The following KLHL8 variants were observed in gnomAD, a reference collection of about 807,000 sequenced individuals.
The protein encoded by KLHL8 is kelch like family member 8, also known as kelch-like protein 8.
In KLHL8, 38 loss-of-function variants were observed where a neutral mutation model predicts 63.5. The ratio of observed to expected loss-of-function variants is 0.60; its 90% CI spans 0.46 to 0.78. The LOEUF is 0.78. Among genes scored for constraint, KLHL8 ranks in the 30% least tolerant of loss-of-function variants. The pLI, the probability that KLHL8 is intolerant of heterozygous loss-of-function variation, is 0.00. For synonymous variants in KLHL8, 224 were observed against 254.3 expected (o/e 0.88, Z 1.13); for missense variants, 566 against 752.4 (o/e 0.75, Z 2.90).
At chr4:87,231,661 A>G (rs1048800201) in intron 1 of KLHL8, among the ~76,000 whole-genome samples, 4 of 152,076 alleles carry the variant, frequency 2.6e-5, no homozygotes, top group Non-Finnish European at 5.9e-5. Context: ...CAGTGACGCA[A>G]TCTCAGCTCA....
rs756180257 is a variant in KLHL8 at position 87,185,377 on chromosome 4, G to C, written c.639C>G (p.Leu213=). The C allele has an allele frequency of 9.9e-6, 16 of 1,614,052 alleles. No individual in the cohort carries two copies. The East Asian group carries it at 2.0e-4, about 20-fold the overall frequency. ...EDFVSVSPQH[L]HKLLSSSDLN... ...GATCACTGGAGGACAAAAGCTTATG[G>C]AGGTGCTGCGGTGATACACTTACAA... is the stretch of plus-strand genomic sequence containing the variant. Residue 213 remains leucine (L), a synonymous_variant, in exon 3 of 10, where the codon CTC becomes CTG. Transcript: ENST00000273963.
chr4:87,236,040 C>CA (rs896492100), intron 1 of KLHL8, among the ~76,000 whole-genome samples: 6 of 151,976 alleles, frequency 3.9e-5, no homozygotes, highest in Admixed American at 1.3e-4. Context: ...AAATAGAAAC[C>CA]AAAAAAAGCG....
intron 1 of KLHL8, among the ~76,000 whole-genome samples, chr4:87,204,140 G>T (rs572043179): frequency 6.6e-6 from 1 of 152,210 alleles, no homozygotes; most frequent in East Asian, 1.9e-4. Flanking sequence ...AAGCCCAAGA[G>T]TTCGAAGCTG....
intron 2 of KLHL8, among the ~76,000 whole-genome samples, chr4:87,193,935 T>C (rs778744155): frequency 1.3e-5 from 2 of 152,236 alleles, no homozygotes; most frequent in Non-Finnish European, 2.9e-5. Context: ...GCGGAATGGA[T>C]GAAGTAAAGG....
In KLHL8 at chr4:87,180,586, G is replaced by A. The variant is rs558806895; in HGVS notation, c.953-1966C>T. On this transcript the variant is annotated intron_variant, in intron 4 of 9. Transcript: ENST00000273963. Reference sequence around the variant, plus strand: ...AGACAAGTTATTCCAAAATAAGTCCGGCTGTATTCTGTATGTGCCTGCATT... The same window carrying A: ...AGACAAGTTATTCCAAAATAAGTCCAGCTGTATTCTGTATGTGCCTGCATT... 2.6e-3 allele frequency among the ~76,000 whole-genome samples: 396 copies of A among 152,236 alleles called. 2 individuals are homozygous for A. The highest frequency in any genetic ancestry group is 4.4e-3 in the Non-Finnish European group (302 of 68,004).
At chr4:87,234,941 G>C (rs996349160) in intron 1 of KLHL8, among the ~76,000 whole-genome samples, 2 of 151,994 alleles carry the variant, frequency 1.3e-5, no homozygotes, top group Non-Finnish European at 2.9e-5. Flanking sequence ...GAAAAGAAAA[G>C]AATAAAAAAG....
intron 1 of KLHL8, chr4:87,219,915 T>A (rs1434695963): frequency 1.1e-4 from 16 of 151,768 alleles, no homozygotes; most frequent in Admixed American, 6.6e-4. Context: ...GGCCCGGAGG[T>A]GGCCCACTCG....
chr4:87,191,494 C>T (rs142196320), intron 2 of KLHL8, among the ~76,000 whole-genome samples: 1 of 152,104 alleles, frequency 6.6e-6, no homozygotes, highest in Non-Finnish European at 1.5e-5. Flanking sequence ...ATCCTTTCCC[C>T]TTATAAAGTA....
intron 1 of KLHL8, among the ~76,000 whole-genome samples, chr4:87,208,774 C>T (rs1732268080): frequency 6.6e-6 from 1 of 152,144 alleles, no homozygotes; most frequent in African/African-American, 2.4e-5. Flanking sequence ...ATACTTTTCC[C>T]CCTTACATCA....
At chr4:87,219,182 G>C (rs187039240) in intron 1 of KLHL8, among the ~76,000 whole-genome samples, 1 of 152,342 alleles carries the variant, frequency 6.6e-6, no homozygotes, top group Non-Finnish European at 1.5e-5. Flanking sequence ...GGTGCCAGGA[G>C]GAAGTCTGAG....
chr4:87,221,823 T>C (rs939345948), upstream of KLHL8, among the ~76,000 whole-genome samples: 1 of 152,198 alleles, frequency 6.6e-6, no homozygotes, highest in Non-Finnish European at 1.5e-5. Flanking sequence ...TATTCCTCTT[T>C]AGAGCATTAG....
rs1270623073 is a variant in KLHL8 at position 87,183,259 on chromosome 4, C to A, written c.896G>T (p.Arg299Ile). Residue 299 changes from arginine to isoleucine, a missense_variant, in exon 4 of 10, where the codon AGA (arginine) becomes ATA (isoleucine). Arg to Ile is a moderately conservative substitution (Grantham distance 97). Coordinates refer to ENST00000273963, the MANE Select transcript of KLHL8 (RefSeq NM_020803.5). ...ARNYHLHLSS[R>I]AVPDFEYSIR... Reference sequence around the variant, plus strand: ...GGAGTATTCAAAGTCAGGTACTGCTCTGCTACTCAAGTGAAGGTGGTAATT... The same window carrying A: ...GGAGTATTCAAAGTCAGGTACTGCTATGCTACTCAAGTGAAGGTGGTAATT... 2 of 1,613,818 alleles carry A rather than the reference C, an allele frequency of 1.2e-6. No individual in the cohort carries two copies. Among genetic ancestry groups the A allele is most frequent in the Admixed American group, 3.3e-5 (2 of 60,012 alleles).
rs187066271 is a variant in KLHL8, at chr4:87,173,210, G to A, written c.1209-2595C>T. Among the ~76,000 whole-genome samples the A allele has an allele frequency of 4.4e-3, 674 of 152,136 alleles. 8 individuals are homozygous for A. Among genetic ancestry groups the A allele is most frequent in the Middle Eastern group, 0.014 (4 of 292 alleles). Reference sequence around the variant, plus strand: ...AGTTCCTTCAGATCATAATAAATGGGACTTCATTAAGATGTTCTCCACTCC... The same window carrying A: ...AGTTCCTTCAGATCATAATAAATGGAACTTCATTAAGATGTTCTCCACTCC... On this transcript the variant is annotated intron_variant, in intron 6 of 9. Coordinates refer to ENST00000273963, the MANE Select transcript of KLHL8 (RefSeq NM_020803.5).
rs57080086 is a variant in KLHL8 at position 87,170,437 on chromosome 4, T to C, written c.1377+10A>G. 761 of 1,587,622 alleles carry C rather than the reference T, an allele frequency of 4.8e-4. 4 individuals carry two copies. In the African/African-American group the frequency reaches 9.7e-3, roughly 20 times the overall value. ...AATGTAATTTAATGACAAGTTGCCA[T>C]ATAACTTACTACTAGAGCAACAGAG... On this transcript the variant is annotated intron_variant, in intron 7 of 9. Transcript: ENST00000273963.
chr4:87,168,722 G>GTATATATATGTGTATATATATACGTA (rs1730508367), intron 8 of KLHL8, among the ~76,000 whole-genome samples: 2 of 143,052 alleles, frequency 1.4e-5, no homozygotes, highest in Admixed American at 1.4e-4. Context: ...ATATATATAC[G>GTATATATATGTGTATATATATACGTA]TATATATATG....
At chr4:87,220,783 AG>A (rs1337595845), upstream of KLHL8, 1 of 152,236 alleles carries the variant, frequency 6.6e-6, no homozygotes. Context: ...AAGGCGGACC[AG>A]GGCGTGGCGG....
intron 8 of KLHL8, among the ~76,000 whole-genome samples, chr4:87,165,137 A>T (rs373185068): frequency 2.1e-5 from 3 of 144,094 alleles, no homozygotes; most frequent in African/African-American, 5.2e-5. Flanking sequence ...GCGACAGAGC[A>T]AGACTCTGTC....
chr4:87,236,489 G>A (rs1205740056), intron 1 of KLHL8, among the ~76,000 whole-genome samples: 1 of 152,028 alleles, frequency 6.6e-6, no homozygotes, highest in East Asian at 1.9e-4. Flanking sequence ...TTGCAGGCGT[G>A]AGCCACTGTG....
chr4:87,237,171 C>T (rs1190800505), intron 1 of KLHL8, among the ~76,000 whole-genome samples: 2 of 152,106 alleles, frequency 1.3e-5, no homozygotes, highest in African/African-American at 2.4e-5. Context: ...GGTTCTCATC[C>T]TCCCAGAACT....
Sources: allele counts gnomAD v4.1 joint callset (sites outside exome capture counted in the v4.1 genomes callset), GRCh38; gene constraint gnomAD v4.1.1; transcripts MANE v1.5; gene names NCBI Gene and HGNC (gene_info 2026-07-23, HGNC 2026-07-21).